Variants in MIPOL1 observed in about 807,000 individuals in gnomAD.
MIPOL1 encodes the protein mirror-image polydactyly 1, also known as mirror-image polydactyly gene 1 protein.
In MIPOL1, 57 loss-of-function variants were observed where a neutral mutation model predicts 60.9. The observed-to-expected ratio is 0.94, with a 90% confidence interval of 0.76 to 1.17. The LOEUF (loss-of-function observed/expected upper bound fraction) is 1.17. Ranked by LOEUF, MIPOL1 falls within the 50% of genes most tolerant of loss-of-function variation. The probability of loss-of-function intolerance (pLI) is 0.00; values close to 1 mark genes in which losing one functional copy is unlikely to be tolerated. For synonymous variants in MIPOL1, 179 were observed against 168.8 expected (o/e 1.06, Z -0.47); for missense variants, 551 against 511.6 (o/e 1.08, Z -0.74).
chr14:37,238,611 T>C (rs2153338994), intron 1 of MIPOL1, among the ~76,000 whole-genome samples: 1 of 152,208 alleles, frequency 6.6e-6, no homozygotes, highest in African/African-American at 2.4e-5. Context: ...ATCATGATTA[T>C]GTTATATAAA....
At chr14:37,213,015 G>T (rs1966956951) in intron 1 of MIPOL1, among the ~76,000 whole-genome samples, 1 of 152,156 alleles carries the variant, frequency 6.6e-6, no homozygotes, top group African/African-American at 2.4e-5. Flanking sequence ...AGCATTACTA[G>T]TCTTGGGGTT....
At chr14:37,483,092 A>G (rs1280894384) in intron 11 of MIPOL1, among the ~76,000 whole-genome samples, 1 of 150,916 alleles carries the variant, frequency 6.6e-6, no homozygotes, top group East Asian at 2.0e-4. Context: ...AAAAATCTGC[A>G]CATGTTCAGT....
intron 4 of MIPOL1, 73 bp from the exon 5 acceptor site, chr14:37,268,585 C>T: frequency 8.6e-7 from 1 of 1,161,920 alleles, no homozygotes; most frequent in South Asian, 1.5e-5. Flanking sequence ...TGATACTGTT[C>T]TCAAGTAGCA....
At chr14:37,533,115 G>A (rs543653206) in intron 12 of MIPOL1, among the ~76,000 whole-genome samples, 1 of 152,146 alleles carries the variant, frequency 6.6e-6, no homozygotes, top group South Asian at 2.1e-4. Context: ...CAATTTCAGA[G>A]CCATCTGCCT....
At chr14:37,209,384 C>A (rs1566993220) in intron 1 of MIPOL1, among the ~76,000 whole-genome samples, 1 of 152,112 alleles carries the variant, frequency 6.6e-6, no homozygotes, top group Non-Finnish European at 1.5e-5. Context: ...TAAGGCTGGG[C>A]ATGGTGGCTC....
At chr14:37,308,550 A>T in intron 9 of MIPOL1, 31 bp downstream of exon 9, 1 of 1,418,218 alleles carries the variant, frequency 7.1e-7, no homozygotes, top group Non-Finnish European at 9.3e-7. Flanking sequence ...AAAAGCATAT[A>T]CTTACCATTT....
At chr14:37,508,892 C>T (rs2095303366) in intron 12 of MIPOL1, among the ~76,000 whole-genome samples, 1 of 151,928 alleles carries the variant, frequency 6.6e-6, no homozygotes, top group Non-Finnish European at 1.5e-5. Context: ...AATATTTATC[C>T]TACTTGAACT....
chr14:37,406,822 T>C (rs1000078183), intron 10 of MIPOL1, among the ~76,000 whole-genome samples: 1 of 152,126 alleles, frequency 6.6e-6, no homozygotes, highest in African/African-American at 2.4e-5. Flanking sequence ...GTAAATCTCA[T>C]TAAATGATGA....
intron 11 of MIPOL1, among the ~76,000 whole-genome samples, chr14:37,497,167 G>T (rs999235868): frequency 6.6e-6 from 1 of 152,060 alleles, no homozygotes; most frequent in Non-Finnish European, 1.5e-5. Flanking sequence ...AGACTTAAAC[G>T]GTAGACCTAA....
intron 1 of MIPOL1, among the ~76,000 whole-genome samples, chr14:37,242,586 A>G (rs1465337452): frequency 6.6e-6 from 1 of 152,148 alleles, no homozygotes; most frequent in Non-Finnish European, 1.5e-5. Context: ...TATTTATACC[A>G]GTTCTCTATT....
intron 12 of MIPOL1, among the ~76,000 whole-genome samples, chr14:37,526,969 A>T (rs971531531): frequency 2.6e-5 from 4 of 152,148 alleles, no homozygotes; most frequent in Non-Finnish European, 2.9e-5. Flanking sequence ...TGTGAAAGGT[A>T]AAAAATTATA....
At chr14:37,238,786 CA>C (rs778152612) in intron 1 of MIPOL1, among the ~76,000 whole-genome samples, 9,002 of 86,852 alleles carry the variant, frequency 0.1, 674 homozygotes, top group African/African-American at 0.27. Flanking sequence ...CCCACTTCTA[CA>C]AAAAAAAAAA....
chr14:37,415,752 A>G (rs1007911338), intron 10 of MIPOL1, among the ~76,000 whole-genome samples: 2 of 152,144 alleles, frequency 1.3e-5, no homozygotes, highest in African/African-American at 4.8e-5. Context: ...TTGCTCCACC[A>G]TTCATTAACT....
chr14:37,364,872 A>G (rs1008638154), intron 9 of MIPOL1, among the ~76,000 whole-genome samples: 1 of 152,000 alleles, frequency 6.6e-6, no homozygotes, highest in Non-Finnish European at 1.5e-5. Context: ...CTGTCTTTTC[A>G]TTTTTTGGTG....
At chr14:37,448,200 T>C (rs1156477864) in intron 11 of MIPOL1, among the ~76,000 whole-genome samples, 1 of 152,190 alleles carries the variant, frequency 6.6e-6, no homozygotes, top group Non-Finnish European at 1.5e-5. Context: ...CTAATAGTCC[T>C]TTATAACCCT....
intron 7 of MIPOL1, among the ~76,000 whole-genome samples, chr14:37,296,168 C>T (rs923433049): frequency 6.6e-6 from 1 of 152,154 alleles, no homozygotes; most frequent in Non-Finnish European, 1.5e-5. Context: ...AACTGCTCAG[C>T]TACGTGGAAA....
Position 37,340,462 on chromosome 14 carries a change from G to A in MIPOL1, c.829-29055G>A, listed in dbSNP as rs538756741. 9.9e-5 allele frequency among the ~76,000 whole-genome samples: 15 copies of A among 152,244 alleles called. No individual in the cohort carries two copies. In the South Asian group the frequency reaches 3.1e-3, roughly 32 times the overall value. ...ACAGTGGCTTACTCCTGTAATCCTA[G>A]CACTTTGGGAGGCCAAGTCGGACGA... On this transcript the variant is annotated intron_variant, in intron 9 of 12. Coordinates refer to ENST00000684589, the MANE Select transcript of MIPOL1 (RefSeq NM_001388067.1).
intron 9 of MIPOL1, among the ~76,000 whole-genome samples, chr14:37,319,760 T>C (rs766755750): frequency 1.3e-5 from 2 of 152,174 alleles, no homozygotes; most frequent in Non-Finnish European, 2.9e-5. Context: ...GATCAAGATA[T>C]GGAACACTGC....
intron 6 of MIPOL1, among the ~76,000 whole-genome samples, chr14:37,282,517 A>T (rs2084198072): frequency 2.0e-5 from 3 of 151,968 alleles, no homozygotes; most frequent in Non-Finnish European, 2.9e-5. Context: ...AGGTGGGAGA[A>T]TCACTTGAGC....
Sources: allele counts gnomAD v4.1 joint callset (sites outside exome capture counted in the v4.1 genomes callset), GRCh38; gene constraint gnomAD v4.1.1; transcripts MANE v1.5; gene names NCBI Gene and HGNC (gene_info 2026-07-23, HGNC 2026-07-21).